LARGE1: variants seen among roughly 807,000 people sequenced by gnomAD.
The protein encoded by LARGE1 is xylosyl- and glucuronyltransferase LARGE1.
A neutral mutation model predicts 87.6 loss-of-function variants in LARGE1; 43 were observed. The ratio of observed to expected loss-of-function variants is 0.49; its 90% CI spans 0.38 to 0.63. LARGE1 has a LOEUF of 0.63. Among genes scored for constraint, LARGE1 ranks in the 30% least tolerant of loss-of-function variants. The pLI is 0.00. For missense variants in LARGE1, 802 were observed against 1,000.2 expected, an observed-to-expected ratio of 0.80 and a Z score of 2.67; for synonymous variants, 434 against 394.6, an observed-to-expected ratio of 1.10 and a Z score of -1.18.
chr22:33,408,047 C>A (rs1202553365), intron 7 of LARGE1, among the ~76,000 whole-genome samples: 1 of 148,962 alleles, frequency 6.7e-6, no homozygotes, highest in Non-Finnish European at 1.5e-5. Flanking sequence ...GTGGCACGAT[C>A]TCGGCTCACT....
At position 33,272,668 on chromosome 22, in the gene LARGE1, C is replaced by T. The variant is rs1928387137; in HGVS notation, c.*1759G>A. Among the ~76,000 whole-genome samples the T allele has an allele frequency of 1.3e-5, 2 of 152,144 alleles. No individual in the cohort carries two copies. The highest frequency in any genetic ancestry group is 1.9e-4 in the East Asian group (1 of 5,200). On this transcript the variant is annotated 3_prime_UTR_variant, in exon 15 of 15. Coordinates refer to ENST00000397394, the MANE Select transcript of LARGE1 (RefSeq NM_133642.5). Reference sequence around the variant, plus strand: ...AAAAATTAGTCCTAATGGTAATTTTCCTAATTCTTGTATAAATTTCCGTGT... The same window carrying T: ...AAAAATTAGTCCTAATGGTAATTTTTCTAATTCTTGTATAAATTTCCGTGT...
At chr22:33,257,119 C>T (rs1017830077) in intron 11 of LARGE1, among the ~76,000 whole-genome samples, 1 of 152,110 alleles carries the variant, frequency 6.6e-6, no homozygotes, top group Non-Finnish European at 1.5e-5. Flanking sequence ...GCAGGAGAAT[C>T]GATTGAACCC....
At chr22:33,676,605 A>C (rs1463360459) in intron 2 of LARGE1, among the ~76,000 whole-genome samples, 1 of 152,010 alleles carries the variant, frequency 6.6e-6, no homozygotes, top group African/African-American at 2.4e-5. Flanking sequence ...AAAAAAAATA[A>C]GAAAATCAAC....
chr22:33,528,081 G>C (rs927999823), intron 6 of LARGE1, among the ~76,000 whole-genome samples: 1 of 139,348 alleles, frequency 7.2e-6, no homozygotes, highest in African/African-American at 2.6e-5. Flanking sequence ...TCCTTGTACA[G>C]AGTAGACATA....
the LARGE1 span, among the ~76,000 whole-genome samples, chr22:33,093,774 C>T: frequency 2.0e-5 from 3 of 148,434 alleles, no homozygotes; most frequent in African/African-American, 5.0e-5. Flanking sequence ...GATGGAGGGG[C>T]TGATGGGAGT....
In LARGE1 at chr22:33,761,456, C is replaced by T. The variant is rs2084726573; in HGVS notation, c.21G>A (p.Gly7=). The T allele has an allele frequency of 1.2e-6, 2 of 1,613,950 alleles. No homozygotes were observed. The highest frequency in any genetic ancestry group is 1.7e-4 in the Middle Eastern group (1 of 6,052). MLGICR[G]RRKFLAASLS... ...ACGAGGCAGCCAAGAATTTCCGTCTCCCCCTGCAGATTCCCAGCATCCTCT... is the reference window on the plus strand; with the variant it reads ...ACGAGGCAGCCAAGAATTTCCGTCTTCCCCTGCAGATTCCCAGCATCCTCT... Residue 7 remains glycine, a synonymous_variant, in exon 2 of 15, where the codon GGG becomes GGA. Coordinates refer to ENST00000397394, the MANE Select transcript of LARGE1 (RefSeq NM_133642.5).
Position 33,200,633 on chromosome 22 carries a change from T to A in LARGE1, c.1731-33801A>T, listed in dbSNP as rs1924334409. Among the ~76,000 whole-genome samples, 3 of 152,282 alleles carry A rather than the reference T, an allele frequency of 2.0e-5. No individual in the cohort carries two copies. The South Asian group carries it at 6.2e-4, about 32-fold the overall frequency. On this transcript the variant is annotated intron_variant, in intron 11 of 11. Coordinates refer to the LARGE1 transcript ENST00000608642. ...GAATGAATAAACAAAGTGTAATATA[T>A]CCATACAACCTGGATATATCCTACA...
intron 2 of LARGE1, among the ~76,000 whole-genome samples, chr22:33,722,860 T>C (rs1176574953): frequency 1.3e-5 from 2 of 151,960 alleles, no homozygotes; most frequent in South Asian, 2.1e-4. Flanking sequence ...GGCCGCAGCA[T>C]GGGTAGGCTG....
intron 7 of LARGE1, among the ~76,000 whole-genome samples, chr22:33,424,406 CAGA>C (rs777170398): frequency 6.6e-5 from 10 of 152,144 alleles, no homozygotes; most frequent in Non-Finnish European, 2.9e-5. Context: ...TACCTATGGA[CAGA>C]AGGTTTTGGA....
At chr22:33,106,722 C>T in the LARGE1 span, among the ~76,000 whole-genome samples, 396 of 152,314 alleles carry the variant, frequency 2.6e-3, no homozygotes, top group African/African-American at 9.0e-3. Flanking sequence ...TCTTGAACTC[C>T]TGAAGTCAGG....
intron 5 of LARGE1, among the ~76,000 whole-genome samples, chr22:33,588,719 G>A (rs987377718): frequency 1.3e-5 from 2 of 152,204 alleles, no homozygotes; most frequent in Non-Finnish European, 2.9e-5. Context: ...TGAGGCCCAT[G>A]GCCTGGCTTA....
chr22:33,821,415 C>A (rs546140447), intron 1 of LARGE1, among the ~76,000 whole-genome samples: 5 of 152,290 alleles, frequency 3.3e-5, no homozygotes, highest in Non-Finnish European at 5.9e-5. Context: ...AAATGATAAA[C>A]TCCTAGAGTG....
At chr22:33,858,601 G>C (rs534790448) in intron 1 of LARGE1, among the ~76,000 whole-genome samples, 4 of 152,316 alleles carry the variant, frequency 2.6e-5, no homozygotes, top group South Asian at 2.1e-4. Flanking sequence ...CAAGCACCCT[G>C]TTTAAAGGTG....
At chr22:33,067,955 G>A in the LARGE1 span, among the ~76,000 whole-genome samples, 28 of 152,050 alleles carry the variant, frequency 1.8e-4, no homozygotes, top group East Asian at 2.1e-3. Context: ...ACTCCAGCCC[G>A]GGCGACAATG....
chr22:33,067,591 T>G, the LARGE1 span, among the ~76,000 whole-genome samples: 1 of 152,278 alleles, frequency 6.6e-6, no homozygotes, highest in Non-Finnish European at 1.5e-5. Flanking sequence ...GCTAAGAAAC[T>G]TACTAAAGTC....
intron 3 of LARGE1, among the ~76,000 whole-genome samples, chr22:33,630,376 T>C (rs2080069141): frequency 6.6e-6 from 1 of 152,186 alleles, no homozygotes; most frequent in Non-Finnish European, 1.5e-5. Flanking sequence ...TAGCCTATCA[T>C]CGTTAGGTGA....
At chr22:33,102,760 G>A in the LARGE1 span, among the ~76,000 whole-genome samples, 12 of 152,044 alleles carry the variant, frequency 7.9e-5, no homozygotes, top group African/African-American at 2.9e-4. Flanking sequence ...CAAAGTGCTG[G>A]GATTACAGGC....
chr22:33,821,624 G>GT (rs764604459), intron 1 of LARGE1, among the ~76,000 whole-genome samples: 49 of 152,180 alleles, frequency 3.2e-4, no homozygotes, highest in Non-Finnish European at 6.3e-4. Flanking sequence ...CAGAGTGGAG[G>GT]TAACAGGCAA....
intron 6 of LARGE1, among the ~76,000 whole-genome samples, chr22:33,481,400 C>T (rs887473498): frequency 6.6e-6 from 1 of 151,838 alleles, no homozygotes. Context: ...TGTCTGTGGG[C>T]CATTATTTTT....
Sources: allele counts gnomAD v4.1 joint callset (sites outside exome capture counted in the v4.1 genomes callset), GRCh38; gene constraint gnomAD v4.1.1; transcripts MANE v1.5; gene names NCBI Gene and HGNC (gene_info 2026-07-23, HGNC 2026-07-21).